Variants in NLRP5 observed in about 807,000 individuals in gnomAD.
The protein encoded by NLRP5 is NLR family pyrin domain containing 5, also known as NACHT, LRR and PYD domains-containing protein 5.
NLRP5 carries 93 observed loss-of-function variants against 113.1 expected under a neutral mutation model. That is an observed-to-expected ratio of 0.82 (90% confidence interval 0.70 to 0.98). The LOEUF is 0.98. Ranked by LOEUF, NLRP5 falls within the 50% of genes least tolerant of loss-of-function variation. NLRP5 has a pLI of 0.00. For missense variants in NLRP5, 1,808 were observed against 1,514.3 expected (o/e 1.19, Z -3.22); for synonymous variants, 751 against 600.7 (o/e 1.25, Z -3.66).
chr19:56,036,980 C>T (rs1983341403), intron 9 of NLRP5, among the ~76,000 whole-genome samples: 1 of 152,070 alleles, frequency 6.6e-6, no homozygotes. Context: ...TAAAATAAAC[C>T]TGCTTCCTTC....
At chr19:56,023,252 C>A (rs1305541352) in intron 6 of NLRP5, among the ~76,000 whole-genome samples, 1 of 152,198 alleles carries the variant, frequency 6.6e-6, no homozygotes, top group Non-Finnish European at 1.5e-5. Context: ...GGGTTTCCCT[C>A]CCTCTGTAAA....
At chr19:56,055,730 A>G (rs1490121646) in intron 13 of NLRP5, among the ~76,000 whole-genome samples, 1 of 151,256 alleles carries the variant, frequency 6.6e-6, no homozygotes, top group Non-Finnish European at 1.5e-5. Context: ...TATTTTTAGT[A>G]GAGACGGGGT....
intron 5 of NLRP5, among the ~76,000 whole-genome samples, chr19:56,020,123 C>T (rs775279212): frequency 4.0e-5 from 6 of 151,864 alleles, no homozygotes; most frequent in African/African-American, 9.7e-5. Context: ...TGAGCCACCA[C>T]GCCCGACCTA....
chr19:56,010,829 G>A (rs1284633321), intron 3 of NLRP5, among the ~76,000 whole-genome samples: 1 of 148,218 alleles, frequency 6.7e-6, no homozygotes, highest in Non-Finnish European at 1.5e-5. Context: ...TGTGGTCCAT[G>A]TATACAATAG....
At chr19:55,998,726 ATATG>A (rs1568478354), upstream of NLRP5, among the ~76,000 whole-genome samples, 4 of 140,986 alleles carry the variant, frequency 2.8e-5, no homozygotes, top group African/African-American at 1.1e-4. Flanking sequence ...ATATATATAT[ATATG>A]TGTATATATA....
At chr19:56,013,596 G>GTTTTTTTTTGTTT (rs1555765384) in intron 3 of NLRP5, among the ~76,000 whole-genome samples, 1 of 59,284 alleles carries the variant, frequency 1.7e-5, no homozygotes, top group African/African-American at 8.7e-5. Context: ...GGACATTTGG[G>GTTTTTTTTTGTTT]TTTTTTTTTT....
At chr19:55,998,374 C>A (rs10405347), upstream of NLRP5, among the ~76,000 whole-genome samples, 1,573 of 152,026 alleles carry the variant, frequency 0.01, 28 homozygotes, top group South Asian at 0.036. Context: ...ATATATGAGG[C>A]CAGATGTGGT....
rs910496501 is a variant in NLRP5 at position 56,002,907 on chromosome 19, A to G, written c.63-809A>G. The stretch of plus-strand genomic sequence containing the variant: ...TGGTTCCAAGTCTTTGCTATTGTGA[A>G]TAGTGCCGCTATAAACTAGAATGGC... On this transcript the variant is annotated intron_variant, in intron 1 of 14. Coordinates refer to ENST00000390649, the MANE Select transcript of NLRP5 (RefSeq NM_153447.4). Among the ~76,000 whole-genome samples the G allele has an allele frequency of 2.6e-5, 4 of 152,274 alleles. No individual in the cohort carries two copies. In the South Asian group the frequency reaches 6.2e-4, roughly 24 times the overall value.
intron 6 of NLRP5, among the ~76,000 whole-genome samples, chr19:56,022,378 C>G (rs1315614482): frequency 6.7e-6 from 1 of 149,926 alleles, no homozygotes; most frequent in African/African-American, 2.4e-5. Context: ...GCTACAACAT[C>G]TGGCTAATTT....
Position 56,008,783 on chromosome 19 carries a change from T to C in NLRP5, c.443-5T>C, listed in dbSNP as rs1250700992. The C allele has an allele frequency of 1.9e-6, 3 of 1,606,516 alleles. No individual in the cohort carries two copies. In the Admixed American group the frequency reaches 5.1e-5, roughly 27 times the overall value. The stretch of plus-strand genomic sequence containing the variant: ...GGCCAGTCTCCCTTTTTCTTTGTCT[T>C]CCAGGACATTCACCAGAAGATCCTG... On this transcript the variant is annotated splice_region_variant and splice_polypyrimidine_tract_variant and intron_variant, in intron 2 of 14. Coordinates refer to ENST00000390649, the MANE Select transcript of NLRP5 (RefSeq NM_153447.4).
At chr19:56,038,257 G>A (rs981130894) in intron 10 of NLRP5, 62 bp downstream of exon 10, 14 of 1,519,026 alleles carry the variant, frequency 9.2e-6, no homozygotes, top group African/African-American at 6.9e-5. Flanking sequence ...TCGTAACTTC[G>A]ATTCTCCAGG....
At position 56,007,869 on chromosome 19, in the gene NLRP5, T is replaced by TTGTGTGTG. The variant is rs140570438; in HGVS notation, c.443-906_443-899dup. Among the ~76,000 whole-genome samples, 356 of 85,972 alleles carry TTGTGTGTG rather than the reference T, an allele frequency of 4.1e-3. 52 individuals carry two copies. The highest frequency in any genetic ancestry group is 0.011 in the African/African-American group (272 of 23,892). The allele number at this position is 85,972 out of a possible 152,430, so 56.4% of individuals were successfully genotyped here. A position where few individuals can be genotyped will look rare whatever the true frequency, so the allele number is the denominator to read the frequency against. On this transcript the variant is annotated intron_variant, in intron 2 of 14. Transcript: ENST00000390649. ...ATGCTTCCAAAGTGTACAAGACAGT[T>TTGTGTGTG]TGTGTGTGTGTGTGTGTGTGCGCGT... is the stretch of plus-strand genomic sequence containing the variant.
At position 56,028,391 on chromosome 19, in the gene NLRP5, T is replaced by G; in HGVS notation, c.2158T>G (p.Leu720Val). Reference sequence around the variant, plus strand: ...GCTTCCGATTAACCAGAACCTGGACTTGATAGCATCTTCCTTCTGCCTCCA... The same window carrying G: ...GCTTCCGATTAACCAGAACCTGGACGTGATAGCATCTTCCTTCTGCCTCCA... The change falls in exon 7 of 15, where the codon TTG becomes GTG. Residue 720 changes from leucine (L) to valine (V), a missense_variant. Coordinates refer to ENST00000390649, the MANE Select transcript of NLRP5 (RefSeq NM_153447.4). 6.2e-7 allele frequency: 1 copy of G among 1,613,984 alleles called. No individual in the cohort carries two copies. Among genetic ancestry groups the G allele is most frequent in the Non-Finnish European group, 8.5e-7 (1 of 1,179,880 alleles).
At chr19:56,018,431 A>G (rs1599885618) in intron 4 of NLRP5, among the ~76,000 whole-genome samples, 1 of 152,150 alleles carries the variant, frequency 6.6e-6, no homozygotes, top group African/African-American at 2.4e-5. Flanking sequence ...AGGCTGTGTT[A>G]TTACTCTACC....
At chr19:56,044,886 C>T (rs1469517316) in intron 11 of NLRP5, among the ~76,000 whole-genome samples, 1 of 152,154 alleles carries the variant, frequency 6.6e-6, no homozygotes, top group East Asian at 1.9e-4. Flanking sequence ...TTTCTTTCAG[C>T]AATGTTTTGT....
In NLRP5 at chr19:56,027,568, G is replaced by T; in HGVS notation, c.1335G>T (p.Gly445=). Residue 445 remains glycine (G), a synonymous_variant, in exon 7 of 15, where the codon GGG becomes GGT. Coordinates refer to ENST00000390649, the MANE Select transcript of NLRP5 (RefSeq NM_153447.4). ...GAATCCACTTGCTCCTTGAGCGCGG[G>T]ATTGGTGAGCATCAGAAGACACAAG... 6.2e-7 allele frequency: 1 copy of T among 1,613,994 alleles called. No homozygotes were observed. The highest frequency in any genetic ancestry group is 8.5e-7 in the Non-Finnish European group (1 of 1,179,894).
chr19:56,025,384 C>G (rs910766132), intron 6 of NLRP5, among the ~76,000 whole-genome samples: 10 of 149,186 alleles, frequency 6.7e-5, no homozygotes, highest in Non-Finnish European at 1.2e-4. Context: ...GAACGTGCTC[C>G]GTTCTCTCTC....
At chr19:56,002,209 T>C (rs1981681322) in intron 1 of NLRP5, among the ~76,000 whole-genome samples, 1 of 152,206 alleles carries the variant, frequency 6.6e-6, no homozygotes, top group African/African-American at 2.4e-5. Flanking sequence ...ATAGCTTCTT[T>C]GGAGAAATGG....
intron 4 of NLRP5, among the ~76,000 whole-genome samples, chr19:56,018,130 A>C (rs1982477939): frequency 6.6e-6 from 1 of 152,298 alleles, no homozygotes; most frequent in African/African-American, 2.4e-5. Flanking sequence ...CCACTTTTAC[A>C]TACAATCAAT....
Sources: allele counts gnomAD v4.1 joint callset (sites outside exome capture counted in the v4.1 genomes callset), GRCh38; gene constraint gnomAD v4.1.1; transcripts MANE v1.5; gene names NCBI Gene and HGNC (gene_info 2026-07-23, HGNC 2026-07-21).